Variants in CLEC1A observed in about 807,000 individuals in gnomAD.
The protein encoded by CLEC1A is C-type lectin domain family 1 member A, also known as C-type lectin-like receptor-1.
Under a neutral mutation model 28.7 loss-of-function variants are expected in CLEC1A, and 34 were observed. That is an observed-to-expected ratio of 1.18 (90% CI 0.90 to 1.57). The LOEUF is 1.57. CLEC1A is among the 40% of genes most tolerant of loss of function. The pLI is 0.00. For synonymous variants in CLEC1A, 116 were observed against 121.0 expected, an observed-to-expected ratio of 0.96 and a Z score of 0.27; for missense variants, 385 against 339.5, an observed-to-expected ratio of 1.13 and a Z score of -1.05.
At position 10,089,120 on chromosome 12, in the gene CLEC1A, T is replaced by A. The variant is rs1866560317; in HGVS notation, c.214+4A>T. 6.2e-6 allele frequency: 10 copies of A among 1,612,050 alleles called. No homozygotes were observed. The highest frequency in any genetic ancestry group is 1.1e-5 in the South Asian group (1 of 91,036). On this transcript the variant is annotated splice_donor_region_variant and intron_variant, in intron 2 of 5. Coordinates refer to ENST00000315330, the MANE Select transcript of CLEC1A (RefSeq NM_016511.4). ...TCCTCCCCCAGGTCAGAGCGCAGACTTACACAAAAGCCCCAGGGCTGCCAG... is the reference window on the plus strand; with the variant it reads ...TCCTCCCCCAGGTCAGAGCGCAGACATACACAAAAGCCCCAGGGCTGCCAG...
intron 1 of CLEC1A, among the ~76,000 whole-genome samples, chr12:10,092,968 T>C (rs533660847): frequency 1.3e-5 from 2 of 152,260 alleles, no homozygotes; most frequent in African/African-American, 4.8e-5. Context: ...TCATTCTATA[T>C]AAAAGACATG....
intron 5 of CLEC1A, among the ~76,000 whole-genome samples, chr12:10,072,105 T>C (rs1044923549): frequency 6.6e-6 from 1 of 152,140 alleles, no homozygotes; most frequent in Non-Finnish European, 1.5e-5. Flanking sequence ...TGCCCTCTTC[T>C]TGGTGATGAG....
chr12:10,093,182 C>T (rs1284615280), intron 1 of CLEC1A, among the ~76,000 whole-genome samples: 1 of 151,960 alleles, frequency 6.6e-6, no homozygotes, highest in African/African-American at 2.4e-5. Flanking sequence ...AGGGATCACC[C>T]TCACCCTAAC....
chr12:10,098,768 C>G (rs1445205806), intron 1 of CLEC1A, 40 bp downstream of exon 1: 1 of 1,316,776 alleles, frequency 7.6e-7, no homozygotes. Flanking sequence ...ACACATTTCA[C>G]AAGGACTGTG....
chr12:10,097,915 TAA>T (rs11453815), intron 1 of CLEC1A, among the ~76,000 whole-genome samples: 3 of 117,880 alleles, frequency 2.5e-5, no homozygotes, highest in Admixed American at 1.8e-4. Context: ...GTAGTTTAGT[TAA>T]AAAAAAAAAA....
At chr12:10,090,947 G>A (rs959687035) in intron 1 of CLEC1A, among the ~76,000 whole-genome samples, 1 of 152,016 alleles carries the variant, frequency 6.6e-6, no homozygotes, top group African/African-American at 2.4e-5. Context: ...ATGCCTTTCT[G>A]AACTATTTTC....
At chr12:10,097,919 A>AAAAAAAG (rs1947800058) in intron 1 of CLEC1A, among the ~76,000 whole-genome samples, 1 of 150,836 alleles carries the variant, frequency 6.6e-6, no homozygotes, top group East Asian at 1.9e-4. Flanking sequence ...TTTAGTTAAA[A>AAAAAAAG]AAAAAAAAAG....
In CLEC1A at chr12:10,069,664, A is replaced by G. The variant is rs1866086812; in HGVS notation, c.*1669T>C. 6.6e-6 allele frequency: 1 copy of G among 152,232 alleles called. No individual in the cohort carries two copies. Among genetic ancestry groups the G allele is most frequent in the Middle Eastern group, 3.2e-3 (1 of 316 alleles). 9.4% of individuals were successfully genotyped at this position (152,232 alleles called of 1,614,324 possible). ...TTCATGAAGTAAAGTGACTTGCCTAATAAGTAAATCAGAATAAGAGGTCTA... is the reference window on the plus strand; with the variant it reads ...TTCATGAAGTAAAGTGACTTGCCTAGTAAGTAAATCAGAATAAGAGGTCTA... On this transcript the variant is annotated 3_prime_UTR_variant, in exon 6 of 6. Transcript: ENST00000315330.
chr12:10,080,188 C>G (rs1866338240), intron 3 of CLEC1A, among the ~76,000 whole-genome samples: 1 of 152,074 alleles, frequency 6.6e-6, no homozygotes, highest in Admixed American at 6.5e-5. Flanking sequence ...TGGTGCACAC[C>G]TGTAGTCCCA....
At chr12:10,091,907 A>T (rs1947710976) in intron 1 of CLEC1A, among the ~76,000 whole-genome samples, 1 of 152,140 alleles carries the variant, frequency 6.6e-6, no homozygotes, top group East Asian at 1.9e-4. Flanking sequence ...CTCCAGGAAA[A>T]ATTAAGCTCC....
chr12:10,073,217 C>A (rs573584677), intron 5 of CLEC1A, 76 bp downstream of exon 5: 6 of 1,075,338 alleles, frequency 5.6e-6, no homozygotes, highest in Non-Finnish European at 8.5e-6. Flanking sequence ...CTTGATGGAC[C>A]AAATTCTTGA....
At chr12:10,075,388 GA>G (rs1462941991) in intron 4 of CLEC1A, 115 bp downstream of exon 4, 19 of 1,081,164 alleles carry the variant, frequency 1.8e-5, no homozygotes, top group Non-Finnish European at 2.6e-5. Flanking sequence ...GGCCCTGATC[GA>G]AACAGGTTCG....
intron 1 of CLEC1A, among the ~76,000 whole-genome samples, chr12:10,093,456 A>G (rs1216242849): frequency 1.3e-5 from 2 of 151,580 alleles, no homozygotes; most frequent in Admixed American, 1.3e-4. Context: ...AATTTTGGAT[A>G]CCAATTACTG....
In CLEC1A at chr12:10,098,896, C is replaced by T. The variant is rs780302202; in HGVS notation, c.27G>A (p.Arg9=). 5.6e-6 allele frequency: 9 copies of T among 1,613,122 alleles called. No individual in the cohort carries two copies. The East Asian group carries it at 8.9e-5, about 16-fold the overall frequency. ...TGTCCCCATCATCATCCAGCATGTC[C>T]CTCGTGCTGCTGTACTTGGCCTGCA... The part of the protein sequence containing the change: MQAKYSST[R]DMLDDDGDTT... Residue 9 remains arginine (R), a synonymous_variant, in exon 1 of 6, where the codon AGG becomes AGA. Coordinates refer to ENST00000315330, the MANE Select transcript of CLEC1A (RefSeq NM_016511.4).
rs368832133 is a variant in CLEC1A at position 10,098,871 on chromosome 12, T to G, written c.52A>C (p.Thr18Pro). 6.2e-7 allele frequency: 1 copy of G among 1,613,656 alleles called. No homozygotes were observed. Among genetic ancestry groups the G allele is most frequent in the Non-Finnish European group, 8.5e-7 (1 of 1,179,824 alleles). The change falls in exon 1 of 6, where the codon ACC (threonine) becomes CCC (proline). Residue 18 changes from threonine (T) to proline (P), a missense_variant. Transcript: ENST00000315330. ...TRDMLDDDGD[T>P]TMSLHSQGSA... ...CCTTGAGAATGCAGGCTCATGGTGGTGTCCCCATCATCATCCAGCATGTCC... is the reference window on the plus strand; with the variant it reads ...CCTTGAGAATGCAGGCTCATGGTGGGGTCCCCATCATCATCCAGCATGTCC...
At chr12:10,083,809 TA>T (rs1866420055) in intron 2 of CLEC1A, among the ~76,000 whole-genome samples, 1 of 152,076 alleles carries the variant, frequency 6.6e-6, no homozygotes, top group Non-Finnish European at 1.5e-5. Flanking sequence ...GATATGGATT[TA>T]AAAAATTATC....
intron 1 of CLEC1A, among the ~76,000 whole-genome samples, chr12:10,090,815 CCT>C (rs1491459741): frequency 1.8e-5 from 1 of 55,522 alleles, no homozygotes; most frequent in Non-Finnish European, 6.1e-5. Flanking sequence ...ACAGATTGCT[CCT>C]TTTTTTAAAA....
intron 5 of CLEC1A, among the ~76,000 whole-genome samples, chr12:10,072,432 G>C (rs778488768): frequency 6.6e-6 from 1 of 152,146 alleles, no homozygotes; most frequent in East Asian, 1.9e-4. Flanking sequence ...GCATATGTAC[G>C]ACTAGTGTTT....
intron 1 of CLEC1A, chr12:10,092,458 G>A: frequency 2.6e-6 from 1 of 385,510 alleles, no homozygotes; most frequent in Non-Finnish European, 5.2e-6. Flanking sequence ...GAGGTGGGAG[G>A]ATTGCTTGAG....
Sources: gnomAD v4.1 joint callset for allele counts (sites outside exome capture counted in the v4.1 genomes callset) on GRCh38, gnomAD v4.1.1 for gene constraint, MANE v1.5 for transcripts, NCBI Gene and HGNC (gene_info 2026-07-23, HGNC 2026-07-21) for gene names.